Variants in B3GALT1 observed in about 807,000 individuals in gnomAD.
B3GALT1 encodes UDP-Gal:betaGlcNAc beta 1,3-galactosyltransferase, polypeptide 1.
A neutral mutation model predicts 23.2 loss-of-function variants in B3GALT1; 10 were observed. The observed-to-expected ratio is 0.43, with a 90% CI of 0.27 to 0.73. The LOEUF (loss-of-function observed/expected upper bound fraction) is 0.73, where lower values mean the gene tolerates loss of function less well. Among genes scored for constraint, B3GALT1 ranks in the 30% least tolerant of loss-of-function variants. B3GALT1 has a pLI of 0.21. For missense variants in B3GALT1, 299 were observed against 405.4 expected (o/e 0.74, Z 2.25); for synonymous variants, 156 against 141.5 (o/e 1.10, Z -0.73).
intron 1 of B3GALT1, among the ~76,000 whole-genome samples, chr2:167,443,800 A>T (rs1462006051): frequency 6.6e-6 from 1 of 152,224 alleles, no homozygotes; most frequent in Non-Finnish European, 1.5e-5. Context: ...ATATACAATC[A>T]TGTCATCTGT....
At chr2:167,691,665 T>C (rs1197661752) in intron 3 of B3GALT1, among the ~76,000 whole-genome samples, 1 of 152,162 alleles carries the variant, frequency 6.6e-6, no homozygotes, top group Non-Finnish European at 1.5e-5. Context: ...ATTTGCTAAA[T>C]AAATGTTGTG....
chr2:167,575,218 A>G (rs796833674), intron 2 of B3GALT1, among the ~76,000 whole-genome samples: 24 of 151,900 alleles, frequency 1.6e-4, no homozygotes, highest in Admixed American at 3.3e-4. Flanking sequence ...AAACATTGCT[A>G]TTGCTTTTAT....
intron 4 of B3GALT1, among the ~76,000 whole-genome samples, chr2:167,832,344 T>C (rs1689369713): frequency 6.6e-6 from 1 of 152,178 alleles, no homozygotes; most frequent in Non-Finnish European, 1.5e-5. Flanking sequence ...TTAGCAAAAG[T>C]AGTATTGTTA....
At chr2:167,698,114 T>A (rs1686814785) in intron 3 of B3GALT1, among the ~76,000 whole-genome samples, 1 of 151,244 alleles carries the variant, frequency 6.6e-6, no homozygotes, top group Non-Finnish European at 1.5e-5. Context: ...CTTAGGAAGC[T>A]TGATGGTTCT....
chr2:167,628,581 A>G (rs768907285), intron 2 of B3GALT1, among the ~76,000 whole-genome samples: 7 of 151,838 alleles, frequency 4.6e-5, no homozygotes, highest in Non-Finnish European at 8.8e-5. Context: ...AAGATAAGCA[A>G]GCTAGTGGAT....
chr2:167,299,315 A>G (rs1487425117), intron 1 of B3GALT1, among the ~76,000 whole-genome samples: 1 of 152,186 alleles, frequency 6.6e-6, no homozygotes, highest in Non-Finnish European at 1.5e-5. Context: ...ACTACTAGAC[A>G]AGAAGAATTA....
chr2:167,782,533 A>G (rs1688264319), intron 3 of B3GALT1, among the ~76,000 whole-genome samples: 1 of 152,232 alleles, frequency 6.6e-6, no homozygotes, highest in Admixed American at 6.5e-5. Context: ...ATCTCACCTT[A>G]CAAATATTAT....
chr2:167,796,304 C>A (rs912337557), intron 3 of B3GALT1, among the ~76,000 whole-genome samples: 1 of 152,156 alleles, frequency 6.6e-6, no homozygotes, highest in Non-Finnish European at 1.5e-5. Flanking sequence ...TAAATTGGAT[C>A]TGATTTTTCA....
intron 1 of B3GALT1, among the ~76,000 whole-genome samples, chr2:167,305,533 T>C (rs940366986): frequency 3.9e-5 from 6 of 152,172 alleles, no homozygotes; most frequent in Non-Finnish European, 7.4e-5. Context: ...GTATGTGTGC[T>C]TGTTCACTGT....
intron 1 of B3GALT1, among the ~76,000 whole-genome samples, chr2:167,441,703 G>C (rs1242339909): frequency 6.6e-6 from 1 of 151,958 alleles, no homozygotes; most frequent in Non-Finnish European, 1.5e-5. Flanking sequence ...TAATGACCTG[G>C]ATTATTCCAT....
intron 2 of B3GALT1, among the ~76,000 whole-genome samples, chr2:167,636,359 G>A (rs1319607372): frequency 1.3e-5 from 2 of 151,108 alleles, no homozygotes; most frequent in Non-Finnish European, 3.0e-5. Context: ...AAGAAGGTAG[G>A]TACTCAGACA....
chr2:167,543,303 G>T (rs1683565340), intron 2 of B3GALT1, among the ~76,000 whole-genome samples: 3 of 152,054 alleles, frequency 2.0e-5, no homozygotes, highest in Admixed American at 6.5e-5. Flanking sequence ...TTTGAGCAAA[G>T]ATTATATAGA....
chr2:167,531,887 G>GT (rs887682740), intron 2 of B3GALT1, among the ~76,000 whole-genome samples: 1 of 152,094 alleles, frequency 6.6e-6, no homozygotes, highest in Non-Finnish European at 1.5e-5. Context: ...GGCTCAATGG[G>GT]TTTTTTCTGC....
intron 2 of B3GALT1, among the ~76,000 whole-genome samples, chr2:167,550,152 G>A (rs577302263): frequency 2.6e-5 from 4 of 152,272 alleles, no homozygotes; most frequent in African/African-American, 4.8e-5. Flanking sequence ...TCTTTGCATT[G>A]CTATCCACTG....
intron 3 of B3GALT1, among the ~76,000 whole-genome samples, chr2:167,735,302 G>A (rs1433799348): frequency 6.6e-6 from 1 of 152,104 alleles, no homozygotes; most frequent in African/African-American, 2.4e-5. Context: ...ATAAATTCTG[G>A]GGGCCATTCT....
At chr2:167,622,686 A>G (rs574228498) in intron 2 of B3GALT1, among the ~76,000 whole-genome samples, 39 of 152,300 alleles carry the variant, frequency 2.6e-4, no homozygotes, top group Admixed American at 5.9e-4. Context: ...AAGGAAATGC[A>G]TCTTACAATT....
intron 1 of B3GALT1, among the ~76,000 whole-genome samples, chr2:167,346,375 C>T (rs1166056249): frequency 6.6e-6 from 1 of 152,098 alleles, no homozygotes; most frequent in Non-Finnish European, 1.5e-5. Flanking sequence ...TATATATCTA[C>T]TCTGATTTAC....
chr2:167,676,881 A>G (rs1574207289), intron 3 of B3GALT1, among the ~76,000 whole-genome samples: 1 of 152,244 alleles, frequency 6.6e-6, no homozygotes, highest in African/African-American at 2.4e-5. Context: ...TATGCACATT[A>G]TAAGTTCTAT....
intron 1 of B3GALT1, among the ~76,000 whole-genome samples, chr2:167,367,879 T>A (rs1389457788): frequency 2.0e-5 from 3 of 152,224 alleles, no homozygotes; most frequent in Admixed American, 2.0e-4. Context: ...TAAATAGGAC[T>A]CTCTGGAGTG....
Sources: gnomAD v4.1 joint callset for allele counts (sites outside exome capture counted in the v4.1 genomes callset) on GRCh38, gnomAD v4.1.1 for gene constraint, MANE v1.5 for transcripts, NCBI Gene and HGNC (gene_info 2026-07-23, HGNC 2026-07-21) for gene names.